The following UGT1A10 variants were observed in gnomAD, a reference collection of about 807,000 sequenced individuals.
The protein encoded by UGT1A10 is UDP-glucuronosyltransferase 1A10.
UGT1A10 carries 49 observed loss-of-function variants against 45.8 expected under a neutral mutation model. The observed-to-expected ratio is 1.07, with a 90% CI of 0.85 to 1.36. The LOEUF is 1.36. UGT1A10 is among the 40% of genes most tolerant of loss of function. The pLI is 0.00. For synonymous variants in UGT1A10, 284 were observed against 249.7 expected (o/e 1.14, Z -1.29); for missense variants, 745 against 668.6 (o/e 1.11, Z -1.26).
At chr2:233,671,974 G>A in intron 1 of UGT1A10, 1 of 1,614,034 alleles carries the variant, frequency 6.2e-7, no homozygotes. Flanking sequence ...TCCTCTATGT[G>A]TGTGTCTGCT....
intron 1 of UGT1A10, chr2:233,741,376 C>T (rs1691643846): frequency 6.6e-6 from 1 of 151,824 alleles, no homozygotes; most frequent in Non-Finnish European, 1.5e-5. Flanking sequence ...ACTGCCCATG[C>T]CTTTCTACCA....
At chr2:233,640,412 A>C (rs1341140638) in intron 1 of UGT1A10, among the ~76,000 whole-genome samples, 1 of 152,104 alleles carries the variant, frequency 6.6e-6, no homozygotes, top group Non-Finnish European at 1.5e-5. Context: ...AAATAAGTAA[A>C]ATTTGTTACA....
At chr2:233,740,322 A>G (rs1210904634) in intron 1 of UGT1A10, among the ~76,000 whole-genome samples, 1 of 151,968 alleles carries the variant, frequency 6.6e-6, no homozygotes, top group African/African-American at 2.4e-5. Context: ...ATGAATCTGC[A>G]TTTATTGAGA....
At chr2:233,651,156 A>G (rs965792790) in intron 1 of UGT1A10, among the ~76,000 whole-genome samples, 1 of 152,180 alleles carries the variant, frequency 6.6e-6, no homozygotes, top group African/African-American at 2.4e-5. Context: ...AGACTTTTCA[A>G]AGTGCTTCTC....
chr2:233,693,738 C>A, intron 1 of UGT1A10: 2 of 1,614,170 alleles, frequency 1.2e-6, no homozygotes, highest in South Asian at 2.2e-5. Context: ...GATATAATCA[C>A]CTTATATCAG....
chr2:233,689,977 C>T (rs1005809472), intron 1 of UGT1A10: 1 of 454,014 alleles, frequency 2.2e-6, no homozygotes, highest in African/African-American at 2.0e-5. Flanking sequence ...AACCCACAGG[C>T]CCCTAAAAGG....
intron 1 of UGT1A10, among the ~76,000 whole-genome samples, chr2:233,715,966 CTGAT>C (rs1167313224): frequency 2.0e-5 from 3 of 152,178 alleles, no homozygotes; most frequent in African/African-American, 7.2e-5. Flanking sequence ...GACTGATTGA[CTGAT>C]TGATTGATTT....
At chr2:233,648,379 T>A (rs1205207254) in intron 1 of UGT1A10, 3 of 349,412 alleles carry the variant, frequency 8.6e-6, no homozygotes, top group Non-Finnish European at 1.1e-5. Context: ...AGGTGCACAG[T>A]GCCCTGCTTC....
intron 1 of UGT1A10, among the ~76,000 whole-genome samples, chr2:233,666,415 A>G (rs1047051215): frequency 6.6e-6 from 1 of 152,136 alleles, no homozygotes; most frequent in African/African-American, 2.4e-5. Flanking sequence ...ATTAAACCTC[A>G]GTTTTAGTTT....
intron 1 of UGT1A10, among the ~76,000 whole-genome samples, chr2:233,645,503 A>G (rs2073576224): frequency 6.6e-6 from 1 of 152,238 alleles, no homozygotes; most frequent in Non-Finnish European, 1.5e-5. Flanking sequence ...TAAAATCAAA[A>G]GCAAGTTAGT....
At chr2:233,739,133 T>C (rs570890692) in intron 1 of UGT1A10, 1 of 152,384 alleles carries the variant, frequency 6.6e-6, no homozygotes, top group East Asian at 1.9e-4. Context: ...GATAAGAATT[T>C]AGGTTTGGGA....
intron 1 of UGT1A10, chr2:233,648,961 C>T: frequency 1.4e-6 from 2 of 1,438,230 alleles, no homozygotes; most frequent in Non-Finnish European, 1.9e-6. Flanking sequence ...GTATCCCAAA[C>T]CTGTGATGCC....
intron 1 of UGT1A10, among the ~76,000 whole-genome samples, chr2:233,763,852 CACAG>C (rs1251702771): frequency 6.6e-6 from 1 of 152,136 alleles, no homozygotes; most frequent in Admixed American, 6.5e-5. Flanking sequence ...AGCAGTGGTT[CACAG>C]ACAATCGCAA....
At chr2:233,648,761 G>C in intron 1 of UGT1A10, 1 of 721,000 alleles carries the variant, frequency 1.4e-6, no homozygotes, top group Non-Finnish European at 2.2e-6. Context: ...ACCACACCCA[G>C]CCTGGATGCC....
Position 233,636,781 on chromosome 2 carries a change from A to T in UGT1A10, c.259A>T (p.Asn87Tyr), listed in dbSNP as rs1395580094. Residue 87 changes from asparagine (N) to tyrosine (Y), a missense_variant, in exon 1 of 5, where the codon AAC becomes TAC. Physicochemically the swap from Asn to Tyr is moderately radical, Grantham distance 143 (BLOSUM62 -2). Transcript: ENST00000344644. ...AACCTCGTACACTCTGGAAGATCAGAACCGGGAATTCATGGTTTTCGCCCA... is the reference window on the plus strand; with the variant it reads ...AACCTCGTACACTCTGGAAGATCAGTACCGGGAATTCATGGTTTTCGCCCA... ...YSTSYTLEDQ[N>Y]REFMVFAHAQ... is the part of the protein sequence containing the mutation. 3 of 1,614,104 alleles carry T rather than the reference A, an allele frequency of 1.9e-6. No homozygotes were observed. The highest frequency in any genetic ancestry group is 2.7e-5 in the African/African-American group (2 of 74,938).
intron 1 of UGT1A10, among the ~76,000 whole-genome samples, chr2:233,698,143 A>C (rs995620275): frequency 3.9e-5 from 6 of 152,198 alleles, no homozygotes; most frequent in Non-Finnish European, 8.8e-5. Flanking sequence ...TCTCAACTGT[A>C]TTCCCAGCAT....
intron 1 of UGT1A10, chr2:233,690,463 C>A (rs2074991463): frequency 7.8e-7 from 1 of 1,289,030 alleles, no homozygotes; most frequent in Middle Eastern, 2.1e-4. Context: ...TGCCAGCTAT[C>A]CTCCATTTAC....
intron 1 of UGT1A10, among the ~76,000 whole-genome samples, chr2:233,725,530 A>T (rs1438339071): frequency 6.6e-6 from 1 of 152,162 alleles, no homozygotes; most frequent in African/African-American, 2.4e-5. Context: ...TTGTTTAACC[A>T]GACATATCAC....
chr2:233,678,714 T>A (rs2074425836), intron 1 of UGT1A10, among the ~76,000 whole-genome samples: 1 of 152,122 alleles, frequency 6.6e-6, no homozygotes, highest in Non-Finnish European at 1.5e-5. Flanking sequence ...TTCTTCTACA[T>A]CTTCTTTCTC....
Sources: allele counts gnomAD v4.1 joint callset (sites outside exome capture counted in the v4.1 genomes callset), GRCh38; gene constraint gnomAD v4.1.1; transcripts MANE v1.5; gene names NCBI Gene and HGNC (gene_info 2026-07-23, HGNC 2026-07-21).